CSGALNACT1: variants seen among roughly 807,000 people sequenced by gnomAD.
The protein encoded by CSGALNACT1 is beta4GalNAcT-1.
In CSGALNACT1, 52 loss-of-function variants were observed where a neutral mutation model predicts 51.0. The observed-to-expected ratio is 1.02, with a 90% CI of 0.82 to 1.29. The LOEUF (loss-of-function observed/expected upper bound fraction) is 1.29, where lower values mean the gene tolerates loss of function less well. Ranked by LOEUF, CSGALNACT1 falls within the 50% of genes most tolerant of loss-of-function variation. The probability of loss-of-function intolerance (pLI) is 0.00; values close to 1 mark genes in which losing one functional copy is unlikely to be tolerated. For missense variants in CSGALNACT1, 935 were observed against 679.2 expected, an observed-to-expected ratio of 1.38 and a Z score of -4.19; for synonymous variants, 341 against 254.4, an observed-to-expected ratio of 1.34 and a Z score of -3.24.
Position 19,501,778 on chromosome 8 carries a change from T to C in CSGALNACT1, c.634+3423A>G, listed in dbSNP as rs151068921. On this transcript the variant is annotated intron_variant, in intron 4 of 9. Transcript: ENST00000454498. Reference sequence around the variant, plus strand: ...ATATGTGCCACTTAGATCTCAGGATTAGTTTGTATATCCCATCCTGAAGGA... The same window carrying C: ...ATATGTGCCACTTAGATCTCAGGATCAGTTTGTATATCCCATCCTGAAGGA... 6.6e-3 allele frequency among the ~76,000 whole-genome samples: 1,012 copies of C among 152,364 alleles called. 12 individuals carry two copies. Among genetic ancestry groups the C allele is most frequent in the African/African-American group, 0.023 (966 of 41,584 alleles).
intron 3 of CSGALNACT1, among the ~76,000 whole-genome samples, chr8:19,544,120 T>C (rs1337353309): frequency 6.6e-6 from 1 of 151,968 alleles, no homozygotes; most frequent in African/African-American, 2.4e-5. Flanking sequence ...GTTTAGTTTA[T>C]GGGAAAAGAA....
chr8:19,540,069 T>C (rs2084734566), intron 3 of CSGALNACT1, among the ~76,000 whole-genome samples: 1 of 152,176 alleles, frequency 6.6e-6, no homozygotes, highest in South Asian at 2.1e-4. Flanking sequence ...AGATCATGAA[T>C]TCCTAACGCT....
intron 2 of CSGALNACT1, among the ~76,000 whole-genome samples, chr8:19,600,420 G>A (rs560588386): frequency 7.2e-5 from 11 of 152,150 alleles, no homozygotes; most frequent in Non-Finnish European, 1.5e-4. Flanking sequence ...CTGTTTTCTG[G>A]CATTATCTCA....
chr8:19,575,703 G>T (rs532796429), intron 3 of CSGALNACT1, among the ~76,000 whole-genome samples: 1 of 152,228 alleles, frequency 6.6e-6, no homozygotes, highest in African/African-American at 2.4e-5. Flanking sequence ...GTTTTCATCT[G>T]TTAGAAGTAT....
At chr8:19,524,148 G>C (rs982441019) in intron 3 of CSGALNACT1, among the ~76,000 whole-genome samples, 2 of 152,026 alleles carry the variant, frequency 1.3e-5, no homozygotes, top group Admixed American at 6.6e-5. Context: ...AAATTAGCTG[G>C]GCATTGTGGT....
At chr8:19,742,980 A>G (rs570074674) in intron 1 of CSGALNACT1, among the ~76,000 whole-genome samples, 2 of 152,308 alleles carry the variant, frequency 1.3e-5, no homozygotes, top group Admixed American at 6.5e-5. Context: ...GATGATCTAT[A>G]CATTCCCTTC....
intron 1 of CSGALNACT1, among the ~76,000 whole-genome samples, chr8:19,675,077 G>C (rs1012317867): frequency 6.6e-6 from 1 of 152,164 alleles, no homozygotes; most frequent in Non-Finnish European, 1.5e-5. Context: ...ATAAAAGTCT[G>C]GTGAGAGGTC....
At chr8:19,650,591 C>T (rs1352419968) in intron 1 of CSGALNACT1, among the ~76,000 whole-genome samples, 5 of 152,134 alleles carry the variant, frequency 3.3e-5, no homozygotes, top group Non-Finnish European at 7.3e-5. Context: ...CAACGTGGTC[C>T]TGGTTCCCAA....
intron 2 of CSGALNACT1, among the ~76,000 whole-genome samples, chr8:19,596,538 A>G (rs1048620618): frequency 6.6e-6 from 1 of 152,072 alleles, no homozygotes; most frequent in Non-Finnish European, 1.5e-5. Flanking sequence ...AACAAGTGAG[A>G]AAGAGAGTAA....
intron 3 of CSGALNACT1, among the ~76,000 whole-genome samples, chr8:19,568,281 C>T (rs1348059829): frequency 6.6e-6 from 1 of 152,114 alleles, no homozygotes; most frequent in Non-Finnish European, 1.5e-5. Flanking sequence ...ACCTGTAAAG[C>T]ATGTTACTGT....
chr8:19,455,001 T>C (rs1447002845), intron 5 of CSGALNACT1, among the ~76,000 whole-genome samples: 5 of 152,232 alleles, frequency 3.3e-5, no homozygotes, highest in African/African-American at 1.2e-4. Flanking sequence ...GTATATCTCA[T>C]GTTGCACTGA....
At chr8:19,713,671 T>C (rs1269904858) in intron 1 of CSGALNACT1, among the ~76,000 whole-genome samples, 1 of 152,054 alleles carries the variant, frequency 6.6e-6, no homozygotes, top group African/African-American at 2.4e-5. Flanking sequence ...CACCAAAGAT[T>C]GCTGGCAAGC....
At chr8:19,436,717 G>A (rs565964699) in intron 6 of CSGALNACT1, among the ~76,000 whole-genome samples, 3 of 152,144 alleles carry the variant, frequency 2.0e-5, no homozygotes, top group Non-Finnish European at 4.4e-5. Context: ...AACCAGCCTG[G>A]GAAACATAGG....
intron 6 of CSGALNACT1, among the ~76,000 whole-genome samples, chr8:19,430,148 T>C (rs920767631): frequency 3.3e-5 from 5 of 152,242 alleles, no homozygotes; most frequent in African/African-American, 1.2e-4. Flanking sequence ...TTTTATCCCA[T>C]TATATAAGCT....
chr8:19,618,101 A>G (rs922354400), intron 1 of CSGALNACT1, among the ~76,000 whole-genome samples: 2 of 151,906 alleles, frequency 1.3e-5, no homozygotes, highest in Admixed American at 6.6e-5. Flanking sequence ...CTGGTCTCAA[A>G]GTCCTGGCCT....
At chr8:19,496,019 G>C (rs141914543) in intron 4 of CSGALNACT1, among the ~76,000 whole-genome samples, 6 of 152,136 alleles carry the variant, frequency 3.9e-5, no homozygotes, top group African/African-American at 1.2e-4. Flanking sequence ...AAGAAAGTTC[G>C]GAAAATAATG....
At chr8:19,430,258 GA>G (rs1175890770) in intron 6 of CSGALNACT1, among the ~76,000 whole-genome samples, 1 of 152,164 alleles carries the variant, frequency 6.6e-6, no homozygotes, top group African/African-American at 2.4e-5. Context: ...TCACACCTAA[GA>G]AATCACTGCC....
chr8:19,734,110 T>C (rs562284910), intron 1 of CSGALNACT1, among the ~76,000 whole-genome samples: 1 of 152,304 alleles, frequency 6.6e-6, no homozygotes, highest in African/African-American at 2.4e-5. Context: ...AGAACCTGAA[T>C]GGCCACTCCC....
intron 4 of CSGALNACT1, among the ~76,000 whole-genome samples, chr8:19,486,178 T>C (rs2072888061): frequency 6.6e-6 from 1 of 152,128 alleles, no homozygotes; most frequent in African/African-American, 2.4e-5. Flanking sequence ...CTTGTGTTTT[T>C]CCCAGGTGTG....
Sources: gnomAD v4.1 joint callset for allele counts (sites outside exome capture counted in the v4.1 genomes callset) on GRCh38, gnomAD v4.1.1 for gene constraint, MANE v1.5 for transcripts, NCBI Gene and HGNC (gene_info 2026-07-23, HGNC 2026-07-21) for gene names.